VPS13D: variants seen among roughly 807,000 people sequenced by gnomAD.
VPS13D encodes vacuolar protein sorting 13 homolog D, also known as intermembrane lipid transfer protein VPS13D.
Under a neutral mutation model 461.9 loss-of-function variants are expected in VPS13D, and 187 were observed. The observed-to-expected ratio is 0.40, with a 90% CI of 0.36 to 0.46. The LOEUF is 0.46. VPS13D is among the 20% of genes least tolerant of loss of function. The pLI, the probability that VPS13D is intolerant of heterozygous loss-of-function variation, is 0.60. For missense variants in VPS13D, 4,711 were observed against 5,364.9 expected, an observed-to-expected ratio of 0.88 and a Z score of 3.81; for synonymous variants, 1,951 against 1,986.3, an observed-to-expected ratio of 0.98 and a Z score of 0.47.
chr1:12,385,797 C>T (rs1191773092), intron 59 of VPS13D, among the ~76,000 whole-genome samples: 1 of 152,110 alleles, frequency 6.6e-6, no homozygotes, highest in Non-Finnish European at 1.5e-5. Flanking sequence ...TTGAAAAAAT[C>T]AAATGCCTAT....
chr1:12,245,517 T>C (rs1469778299), intron 5 of VPS13D, among the ~76,000 whole-genome samples: 1 of 152,214 alleles, frequency 6.6e-6, no homozygotes, highest in African/African-American at 2.4e-5. Context: ...AGGTTGTGCG[T>C]TGGTCACCAC....
chr1:12,353,542 A>G (rs1643855226), intron 46 of VPS13D, among the ~76,000 whole-genome samples: 1 of 151,210 alleles, frequency 6.6e-6, no homozygotes, highest in African/African-American at 2.4e-5. Context: ...CAAAAAAAAA[A>G]AAAAAAAAAA....
At chr1:12,354,851 A>G (rs1643872623) in intron 47 of VPS13D, among the ~76,000 whole-genome samples, 1 of 152,184 alleles carries the variant, frequency 6.6e-6, no homozygotes, top group African/African-American at 2.4e-5. Flanking sequence ...GGGGGTTTGG[A>G]ATGCATCAAG....
At position 12,383,094 on chromosome 1, in the gene VPS13D, G is replaced by C; in HGVS notation, c.11309G>C (p.Arg3770Thr). The C allele has an allele frequency of 1.2e-6, 2 of 1,614,162 alleles. No homozygotes were observed. The highest frequency in any genetic ancestry group is 1.7e-6 in the Non-Finnish European group (2 of 1,180,034). Reference sequence around the variant, plus strand: ...CAACAATTTATTAATCAAAAAATGAGACCTGGTTCTGGAATGTTATCCATC... The same window carrying C: ...CAACAATTTATTAATCAAAAAATGACACCTGGTTCTGGAATGTTATCCATC... ...PEQQFINQKMRPGSGMLSIRV... is the reference protein window; with the variant it reads ...PEQQFINQKMTPGSGMLSIRV... Residue 3770 changes from arginine to threonine, a missense_variant, in exon 58 of 70, where the codon AGA (arginine) becomes ACA (threonine). Arg to Thr is a moderately conservative substitution (Grantham distance 71). This residue lies in a region of VPS13D where 4,411 missense variants were observed against 4,937.8 expected (regional missense o/e 0.89). Coordinates refer to ENST00000620676, the MANE Select transcript of VPS13D (RefSeq NM_015378.4).
intron 16 of VPS13D, among the ~76,000 whole-genome samples, chr1:12,270,437 C>T (rs1185903001): frequency 4.0e-5 from 6 of 151,716 alleles, no homozygotes; most frequent in South Asian, 2.1e-4. Context: ...GGAGACAGAG[C>T]GGGACTTTGT....
Position 12,356,192 on chromosome 1 carries a change from C to T in VPS13D, c.9871+102C>T, listed in dbSNP as rs1569990241. On this transcript the variant is annotated intron_variant, in intron 48 of 69. Coordinates refer to ENST00000620676, the MANE Select transcript of VPS13D (RefSeq NM_015378.4). ...TGGAGCCAATGCAAATAGATTACTTCAACAGTCTGAGCTGCTGAAACATTC... is the reference window on the plus strand; with the variant it reads ...TGGAGCCAATGCAAATAGATTACTTTAACAGTCTGAGCTGCTGAAACATTC... The T allele has an allele frequency of 2.1e-6, 3 of 1,443,756 alleles. No individual in the cohort carries two copies. The East Asian group carries it at 7.0e-5, about 33-fold the overall frequency. The allele number at this position is 1,443,756 out of a possible 1,614,324, so 89.4% of individuals were successfully genotyped here. A position where few individuals can be genotyped will look rare whatever the true frequency, so the allele number is the denominator to read the frequency against.
At chr1:12,341,346 G>A (rs187932734) in intron 40 of VPS13D, among the ~76,000 whole-genome samples, 19 of 152,308 alleles carry the variant, frequency 1.2e-4, no homozygotes, top group African/African-American at 4.6e-4. Flanking sequence ...TACTATGACT[G>A]TAGGGTAACT....
intron 2 of VPS13D, among the ~76,000 whole-genome samples, chr1:12,235,588 A>T (rs911881800): frequency 6.6e-6 from 1 of 152,194 alleles, no homozygotes; most frequent in East Asian, 1.9e-4. Context: ...AAAATAAAAA[A>T]TAAAAAAAAA....
chr1:12,233,726 A>G (rs1436524127), intron 1 of VPS13D, among the ~76,000 whole-genome samples: 1 of 152,188 alleles, frequency 6.6e-6, no homozygotes. Context: ...TGATGGGGAC[A>G]TCTTACAGAG....
chr1:12,311,386 G>A, intron 27 of VPS13D, 68 bp from the exon 28 acceptor site: 1 of 1,458,470 alleles, frequency 6.9e-7, no homozygotes. Flanking sequence ...CCCGTTGTTT[G>A]GGCGTGAGCT....
chr1:12,468,274 A>G (rs966108605), intron 67 of VPS13D, among the ~76,000 whole-genome samples: 13 of 152,230 alleles, frequency 8.5e-5, no homozygotes, highest in Admixed American at 5.9e-4. Context: ...GAGAAGGTTG[A>G]AGAGCCATTT....
rs939189611 is a variant in VPS13D at position 12,502,083 on chromosome 1, C to T, written c.12794+4452C>T. 1.3e-5 allele frequency among the ~76,000 whole-genome samples: 2 copies of T among 152,180 alleles called. No individual in the cohort carries two copies. The highest frequency in any genetic ancestry group is 2.9e-5 in the Non-Finnish European group (2 of 68,024). ...TGACCTTAGTGGTCATGCCGAGGAGCTTGCCTCTCCTGTAGGTGGGAGTGA... is the reference window on the plus strand; with the variant it reads ...TGACCTTAGTGGTCATGCCGAGGAGTTTGCCTCTCCTGTAGGTGGGAGTGA... On this transcript the variant is annotated intron_variant, in intron 68 of 69. Transcript: ENST00000620676. This position sits in a 1 kb window ranked among gnomAD's most constrained non-coding sequence, Gnocchi z 4.3.
In VPS13D at chr1:12,261,012, G is replaced by T. The variant is rs973759719; in HGVS notation, c.1277G>T (p.Gly426Val). Reference sequence around the variant, plus strand: ...CCGGGAGCCCCAGAACCCGGTGGAGGCAGTGGGATGCTGCAGTATCTCCAG... The same window carrying T: ...CCGGGAGCCCCAGAACCCGGTGGAGTCAGTGGGATGCTGCAGTATCTCCAG... ...ACPGAPEPGG[G>V]SGMLQYLQSW... is the part of the protein sequence containing the mutation. The change falls in exon 12 of 70, where the codon GGC becomes GTC. Residue 426 changes from glycine (G) to valine (V), a missense_variant. Physicochemically the swap from Gly to Val is moderately radical, Grantham distance 109. Around this residue, in one of 3 missense-constraint regions of VPS13D, gnomAD observed 4,411 missense variants for 4,937.8 expected, o/e 0.89. Transcript: ENST00000620676. 3 of 1,613,876 alleles carry T rather than the reference G, an allele frequency of 1.9e-6. No individual in the cohort carries two copies. The highest frequency in any genetic ancestry group is 2.7e-5 in the African/African-American group (2 of 74,916).
chr1:12,422,249 C>T (rs1209433914), intron 65 of VPS13D, among the ~76,000 whole-genome samples: 4 of 152,092 alleles, frequency 2.6e-5, no homozygotes, highest in Admixed American at 6.5e-5. Flanking sequence ...CATAATTTGT[C>T]GTGTTCTTAA....
intron 69 of VPS13D, 64 bp from the exon 70 acceptor site, chr1:12,508,829 G>A: frequency 6.3e-7 from 1 of 1,582,620 alleles, no homozygotes; most frequent in Non-Finnish European, 8.6e-7. Flanking sequence ...CGCCACCTGG[G>A]TGGATCTGAT....
At chr1:12,480,533 T>C (rs1402548686) in intron 67 of VPS13D, among the ~76,000 whole-genome samples, 1 of 152,202 alleles carries the variant, frequency 6.6e-6, no homozygotes, top group African/African-American at 2.4e-5. Flanking sequence ...AGGATGGAGC[T>C]AACTTACGAT....
chr1:12,391,361 A>G (rs944714558), intron 60 of VPS13D, among the ~76,000 whole-genome samples: 1 of 152,216 alleles, frequency 6.6e-6, no homozygotes, highest in Non-Finnish European at 1.5e-5. Flanking sequence ...ATCATGGGGA[A>G]TTCCCCATGA....
chr1:12,307,736 C>A (rs1420014677), intron 26 of VPS13D, among the ~76,000 whole-genome samples: 1 of 152,208 alleles, frequency 6.6e-6, no homozygotes, highest in East Asian at 1.9e-4. Context: ...AGGTGATCCA[C>A]CTGCCTCAGC....
At chr1:12,274,664 G>A (rs1033933911) in intron 18 of VPS13D, among the ~76,000 whole-genome samples, 1 of 152,234 alleles carries the variant, frequency 6.6e-6, no homozygotes, top group African/African-American at 2.4e-5. Flanking sequence ...TGGAGAAAGA[G>A]GAGCTGATTG....
Sources: allele counts gnomAD v4.1 joint callset (sites outside exome capture counted in the v4.1 genomes callset), GRCh38; gene constraint gnomAD v4.1.1; regional missense constraint gnomAD v4.1.1; non-coding constraint Gnocchi (gnomAD v3.1); transcripts MANE v1.5; gene names NCBI Gene and HGNC (gene_info 2026-07-23, HGNC 2026-07-21).